Variants in COX10 observed in about 807,000 individuals in gnomAD.
COX10 encodes the protein protoheme IX farnesyltransferase, mitochondrial.
COX10 carries 27 observed loss-of-function variants against 37.3 expected under a neutral mutation model. That is an observed-to-expected ratio of 0.72 (90% CI 0.53 to 1.00). COX10 has a LOEUF of 1.00. Among genes scored for constraint, COX10 ranks in the 50% least tolerant of loss-of-function variants. The pLI is 0.00. For synonymous variants in COX10, 222 were observed against 229.1 expected, an observed-to-expected ratio of 0.97 and a Z score of 0.28; for missense variants, 475 against 563.2, an observed-to-expected ratio of 0.84 and a Z score of 1.59.
At chr17:14,166,345 T>C (rs1905282172) in intron 5 of COX10, among the ~76,000 whole-genome samples, 1 of 152,180 alleles carries the variant, frequency 6.6e-6, no homozygotes, top group East Asian at 1.9e-4. Flanking sequence ...CCTAAGACTC[T>C]TAAGAATTAC....
chr17:14,207,216 G>C lies in COX10; in HGVS notation c.*3G>C. On this transcript the variant is annotated 3_prime_UTR_variant, in exon 7 of 7. Transcript: ENST00000261643. ...ACGCAGGGCCCCCTCCCAGCTGAGAGCACTGGGACGCCCACCGCCCCTTTC... is the reference window on the plus strand; with the variant it reads ...ACGCAGGGCCCCCTCCCAGCTGAGACCACTGGGACGCCCACCGCCCCTTTC... 6.3e-7 allele frequency: 1 copy of C among 1,583,234 alleles called. No homozygotes were observed. Among genetic ancestry groups the C allele is most frequent in the Non-Finnish European group, 8.6e-7 (1 of 1,168,100 alleles).
intron 4 of COX10, among the ~76,000 whole-genome samples, chr17:14,124,636 A>G (rs904145840): frequency 6.6e-6 from 1 of 152,160 alleles, no homozygotes; most frequent in African/African-American, 2.4e-5. Context: ...AGGATTACAT[A>G]AGAAAGGAAA....
intron 5 of COX10, among the ~76,000 whole-genome samples, chr17:14,164,413 T>A (rs1473122952): frequency 6.6e-6 from 1 of 152,274 alleles, no homozygotes; most frequent in Non-Finnish European, 1.5e-5. Flanking sequence ...CTTATTATTG[T>A]CTATTTTATT....
At chr17:14,163,274 G>T (rs370983454) in intron 5 of COX10, among the ~76,000 whole-genome samples, 1 of 81,710 alleles carries the variant, frequency 1.2e-5, no homozygotes. Context: ...TATTTATTTA[G>T]AGACAGAGTC....
At chr17:14,117,412 T>G (rs960353922) in intron 4 of COX10, among the ~76,000 whole-genome samples, 1 of 152,186 alleles carries the variant, frequency 6.6e-6, no homozygotes, top group Non-Finnish European at 1.5e-5. Flanking sequence ...GTTAGCTGGT[T>G]GTTCTGGGCT....
At chr17:14,193,020 GC>G (rs1432196262) in intron 6 of COX10, among the ~76,000 whole-genome samples, 2 of 152,168 alleles carry the variant, frequency 1.3e-5, no homozygotes, top group Non-Finnish European at 2.9e-5. Context: ...GCTTACAAAT[GC>G]GATTACACCT....
intron 6 of COX10, among the ~76,000 whole-genome samples, chr17:14,198,992 A>G (rs1176431465): frequency 6.6e-6 from 1 of 152,210 alleles, no homozygotes; most frequent in Non-Finnish European, 1.5e-5. Flanking sequence ...AGTTTTAAAG[A>G]CAAAATAAAC....
chr17:14,199,545 G>A (rs1906464959), intron 6 of COX10, among the ~76,000 whole-genome samples: 1 of 152,102 alleles, frequency 6.6e-6, no homozygotes, highest in Non-Finnish European at 1.5e-5. Context: ...ACTCTGCCTG[G>A]AGGGCGGCAG....
chr17:14,124,346 G>C (rs1238003470), intron 4 of COX10, among the ~76,000 whole-genome samples: 1 of 152,096 alleles, frequency 6.6e-6, no homozygotes, highest in African/African-American at 2.4e-5. Flanking sequence ...AATAGTTTTA[G>C]GGAAGCAGAG....
chr17:14,128,049 T>C (rs1916384597), intron 4 of COX10, among the ~76,000 whole-genome samples: 3 of 152,028 alleles, frequency 2.0e-5, no homozygotes, highest in Middle Eastern at 3.4e-3. Flanking sequence ...TAAATCTGAT[T>C]TATCTTTTTT....
At position 14,134,057 on chromosome 17, in the gene COX10, T is replaced by C. The variant is rs1916524395; in HGVS notation, c.625-25820T>C. ...CTTCTTTGCTTTGGTGTTAAATAATTCCTTTTCATACTGTAAATGTTAGTA... is the reference window on the plus strand; with the variant it reads ...CTTCTTTGCTTTGGTGTTAAATAATCCCTTTTCATACTGTAAATGTTAGTA... On this transcript the variant is annotated intron_variant, in intron 4 of 6. Transcript: ENST00000261643. Among the ~76,000 whole-genome samples the C allele has an allele frequency of 2.6e-5, 4 of 151,848 alleles. No homozygotes were observed. In the South Asian group the frequency reaches 8.3e-4, roughly 31 times the overall value.
intron 4 of COX10, among the ~76,000 whole-genome samples, chr17:14,113,988 CCT>C (rs1916060057): frequency 6.6e-6 from 1 of 152,148 alleles, no homozygotes; most frequent in African/African-American, 2.4e-5. Flanking sequence ...GGCCTAATCG[CCT>C]CTCATTTATA....
intron 3 of COX10, among the ~76,000 whole-genome samples, chr17:14,098,337 A>G (rs1481868830): frequency 1.3e-5 from 2 of 152,128 alleles, no homozygotes; most frequent in South Asian, 2.1e-4. Flanking sequence ...TTTCTTCTGC[A>G]TGGTAGAATT....
At chr17:14,129,959 G>A (rs1166463960) in intron 4 of COX10, among the ~76,000 whole-genome samples, 1 of 152,080 alleles carries the variant, frequency 6.6e-6, no homozygotes, top group Non-Finnish European at 1.5e-5. Context: ...AGTTCATGAG[G>A]CTTCTTAATC....
chr17:14,188,750 G>A (rs1248828426), intron 5 of COX10, among the ~76,000 whole-genome samples: 4 of 152,172 alleles, frequency 2.6e-5, no homozygotes, highest in Admixed American at 6.5e-5. Flanking sequence ...TCACAAGGTT[G>A]CCCGTGTTTG....
chr17:14,087,163 G>A (rs1915427904), intron 3 of COX10, among the ~76,000 whole-genome samples: 1 of 152,206 alleles, frequency 6.6e-6, no homozygotes. Flanking sequence ...ATAAGGTGCA[G>A]GTGGCTGACA....
intron 4 of COX10, among the ~76,000 whole-genome samples, chr17:14,103,543 A>G (rs1261676583): frequency 2.0e-5 from 3 of 152,156 alleles, no homozygotes; most frequent in Admixed American, 6.5e-5. Flanking sequence ...AAAATAAAAT[A>G]TGGACATTCA....
intron 5 of COX10, among the ~76,000 whole-genome samples, chr17:14,173,869 G>C (rs1422918750): frequency 6.6e-6 from 1 of 152,200 alleles, no homozygotes; most frequent in South Asian, 2.1e-4. Flanking sequence ...TACAAGGTCA[G>C]TATTCCAAAA....
At position 14,188,102 on chromosome 17, in the gene COX10, C is replaced by CTTTT. The variant is rs1157321131; in HGVS notation, c.696-3871_696-3868dup. On this transcript the variant is annotated intron_variant, in intron 5 of 6. Coordinates refer to ENST00000261643, the MANE Select transcript of COX10 (RefSeq NM_001303.4). ...AGAAGGAGTAAACAACCTTCTTCTT[C>CTTTT]TTTTTTTTTTTTTTTTTTTGACACA... 1.6e-3 allele frequency among the ~76,000 whole-genome samples: 197 copies of CTTTT among 122,950 alleles called. 3 individuals carry two copies. The highest frequency in any genetic ancestry group is 2.8e-3 in the East Asian group (12 of 4,264). The allele number at this position is 122,950 out of a possible 152,430, so 80.7% of individuals were successfully genotyped here. A position where few individuals can be genotyped will look rare whatever the true frequency, so the allele number is the denominator to read the frequency against.
Sources: allele counts gnomAD v4.1 joint callset (sites outside exome capture counted in the v4.1 genomes callset), GRCh38; gene constraint gnomAD v4.1.1; transcripts MANE v1.5; gene names NCBI Gene and HGNC (gene_info 2026-07-23, HGNC 2026-07-21).